The following DMXL1 variants were observed in gnomAD, a reference collection of about 807,000 sequenced individuals.
DMXL1 encodes dmX-like protein 1.
Under a neutral mutation model 319.2 loss-of-function variants are expected in DMXL1, and 99 were observed. The observed-to-expected ratio is 0.31, with a 90% CI of 0.26 to 0.37. The LOEUF is 0.37. Ranked by LOEUF, DMXL1 falls within the 10% of genes least tolerant of loss-of-function variation. The probability of loss-of-function intolerance (pLI) is 1.00; values close to 1 mark genes in which losing one functional copy is unlikely to be tolerated. For synonymous variants in DMXL1, 1,385 were observed against 1,235.2 expected (o/e 1.12, Z -2.54); for missense variants, 3,745 against 3,595.6 (o/e 1.04, Z -1.06).
chr5:119,150,642 A>T (rs796806398), intron 18 of DMXL1, among the ~76,000 whole-genome samples: 17 of 152,104 alleles, frequency 1.1e-4, no homozygotes, highest in African/African-American at 4.1e-4. Context: ...ACAAAAAAAA[A>T]TTAGCCAGAT....
At chr5:119,192,288 A>G (rs921549326) in intron 29 of DMXL1, among the ~76,000 whole-genome samples, 3 of 152,152 alleles carry the variant, frequency 2.0e-5, no homozygotes, top group African/African-American at 7.2e-5. Flanking sequence ...CTCGAGTTTT[A>G]CTCTGAATTG....
chr5:119,129,266 G>C lies in DMXL1; in HGVS notation c.1158G>C (p.Lys386Asn). Residue 386 changes from lysine to asparagine, a missense_variant, in exon 10 of 44, where the codon AAG (lysine) becomes AAC (asparagine). Lys to Asn is a moderately conservative substitution (Grantham distance 94). This residue lies in a region of DMXL1 where 2,096 missense variants were observed against 1,985.4 expected (regional missense o/e 1.06). Coordinates refer to ENST00000539542, the MANE Select transcript of DMXL1 (RefSeq NM_001290321.3). The stretch of plus-strand genomic sequence containing the variant: ...TGAGTCTAAATGAAAATGAAGAGAA[G>C]ACCGGACCTTTTGTTGTACACTGGC... Reference protein sequence around the residue: ...TSLSLNENEEKTGPFVVHWLN... With the variant: ...TSLSLNENEENTGPFVVHWLN... The C allele has an allele frequency of 1.2e-6, 2 of 1,613,574 alleles. No homozygotes were observed. The highest frequency in any genetic ancestry group is 1.7e-6 in the Non-Finnish European group (2 of 1,179,770).
chr5:119,144,275 A>C (rs1768044584), intron 14 of DMXL1, among the ~76,000 whole-genome samples: 1 of 151,788 alleles, frequency 6.6e-6, no homozygotes, highest in African/African-American at 2.4e-5. Context: ...CTAGGTTCCA[A>C]TTTGTGGCTA....
intron 28 of DMXL1, among the ~76,000 whole-genome samples, chr5:119,180,711 A>G (rs566709742): frequency 5.9e-5 from 9 of 152,222 alleles, no homozygotes; most frequent in South Asian, 2.1e-4. Context: ...GCCTTGGACT[A>G]TATTTATACT....
At chr5:119,130,595 G>C (rs1156412702) in intron 10 of DMXL1, among the ~76,000 whole-genome samples, 1 of 151,972 alleles carries the variant, frequency 6.6e-6, no homozygotes. Context: ...CATCCACCTG[G>C]GCCTCCCAAA....
chr5:119,229,683 A>AT (rs1561926117), intron 38 of DMXL1, among the ~76,000 whole-genome samples: 1 of 152,154 alleles, frequency 6.6e-6, no homozygotes, highest in African/African-American at 2.4e-5. Context: ...GACATACAAA[A>AT]TTATTTATCT....
intron 40 of DMXL1, among the ~76,000 whole-genome samples, chr5:119,238,327 T>TA (rs893061717): frequency 5.5e-4 from 83 of 152,000 alleles, no homozygotes; most frequent in African/African-American, 1.6e-3. Context: ...TTGGGATACT[T>TA]AAAAAAAATC....
intron 25 of DMXL1, among the ~76,000 whole-genome samples, chr5:119,172,273 C>G (rs1774739458): frequency 6.6e-6 from 1 of 152,102 alleles, no homozygotes; most frequent in Non-Finnish European, 1.5e-5. Flanking sequence ...AACCAAAAAG[C>G]TCATTGTTTT....
intron 40 of DMXL1, 84 bp from the exon 41 acceptor site, chr5:119,238,905 A>G (rs1055953050): frequency 3.0e-5 from 46 of 1,551,092 alleles, no homozygotes; most frequent in African/African-American, 8.2e-5. Context: ...CAGAAACTAC[A>G]TGATCACTTT....
intron 2 of DMXL1, 92 bp downstream of exon 2, chr5:119,098,196 A>G (rs982001270): frequency 3.9e-5 from 56 of 1,430,360 alleles, no homozygotes; most frequent in Middle Eastern, 4.4e-4. Flanking sequence ...TGAATTAGAG[A>G]CTTGGCTTTG....
intron 37 of DMXL1, among the ~76,000 whole-genome samples, chr5:119,222,831 T>C (rs1784873898): frequency 6.6e-6 from 1 of 152,166 alleles, no homozygotes; most frequent in Non-Finnish European, 1.5e-5. Context: ...CTCTTGAACT[T>C]ATTAAGCTCA....
intron 33 of DMXL1, chr5:119,206,597 A>G (rs369547281): frequency 4.4e-4 from 135 of 304,370 alleles, no homozygotes; most frequent in African/African-American, 2.6e-3. Context: ...TAGGGTTAGA[A>G]TAAAATTTAT....
chr5:119,134,462 G>A, intron 13 of DMXL1, 73 bp downstream of exon 13: 1 of 1,286,772 alleles, frequency 7.8e-7, no homozygotes, highest in Non-Finnish European at 1.1e-6. Context: ...TATTGGGCAT[G>A]TTCTACAATT....
Position 119,134,123 on chromosome 5 carries a change from T to A in DMXL1, c.2199T>A (p.Val733=), listed in dbSNP as rs1261991061. The A allele has an allele frequency of 1.2e-6, 2 of 1,614,068 alleles. No homozygotes were observed. The highest frequency in any genetic ancestry group is 4.5e-5 in the East Asian group (2 of 44,890). Residue 733 remains valine, a synonymous_variant, in exon 12 of 44, where the codon GTT becomes GTA. Coordinates refer to ENST00000539542, the MANE Select transcript of DMXL1 (RefSeq NM_001290321.3). ...TTGCCCGGATTAATTCTCTTCATGT[T>A]TCTGCCTTTTCCAATGTGGCATGGC... The part of the protein sequence containing the change: ...SELARINSLH[V]SAFSNVAWLP...
chr5:119,115,909 C>T (rs925997404), intron 6 of DMXL1, among the ~76,000 whole-genome samples: 4 of 152,124 alleles, frequency 2.6e-5, no homozygotes, highest in African/African-American at 9.7e-5. Flanking sequence ...ATTCCCCTTA[C>T]TCTAGTAATT....
At chr5:119,099,853 T>C (rs1399772576) in intron 2 of DMXL1, among the ~76,000 whole-genome samples, 3 of 151,874 alleles carry the variant, frequency 2.0e-5, no homozygotes, top group Admixed American at 2.0e-4. Context: ...AATAAGTAAA[T>C]AGCCGGACAT....
rs779606224 is a variant in DMXL1 at position 119,178,222 on chromosome 5, G to C, written c.7113G>C (p.Gln2371His). The change falls in exon 28 of 44, where the codon CAG (glutamine) becomes CAC (histidine). Residue 2371 changes from glutamine to histidine, a missense_variant. Transcript: ENST00000539542. ...GTGCACATGTTCCTAGCAAAGAACA[G>C]ACACATTCAAAAACTTTACCTGGTG... ...GGGAHVPSKE[Q>H]THSKTLPVSS... 1 of 1,613,464 alleles carries C rather than the reference G, an allele frequency of 6.2e-7. No individual in the cohort carries two copies. The highest frequency in any genetic ancestry group is 1.1e-5 in the South Asian group (1 of 90,976).
In DMXL1 at chr5:119,196,396, G is replaced by A. The variant is rs922742506; in HGVS notation, c.7483G>A (p.Val2495Met). ...YSWSLMRLAM[V>M]QLVLNNLKTF... ...TTGGTCCTTGATGCGGTTGGCGATG[G>A]TGCAATTGGTGCTCAACAATTTGAA... The change falls in exon 31 of 44, where the codon GTG (valine) becomes ATG (methionine). Residue 2495 changes from valine (V) to methionine (M), a missense_variant. Coordinates refer to ENST00000539542, the MANE Select transcript of DMXL1 (RefSeq NM_001290321.3). 6.2e-7 allele frequency: 1 copy of A among 1,613,842 alleles called. No homozygotes were observed. Among genetic ancestry groups the A allele is most frequent in the Admixed American group, 1.7e-5 (1 of 59,994 alleles).
At chr5:119,184,419 A>G (rs763846543) in intron 28 of DMXL1, among the ~76,000 whole-genome samples, 3 of 152,042 alleles carry the variant, frequency 2.0e-5, no homozygotes, top group Non-Finnish European at 2.9e-5. Flanking sequence ...TCTCTCTTCA[A>G]CCCAGTTTTC....
Sources: allele counts gnomAD v4.1 joint callset (sites outside exome capture counted in the v4.1 genomes callset), GRCh38; gene constraint gnomAD v4.1.1; regional missense constraint gnomAD v4.1.1; transcripts MANE v1.5; gene names NCBI Gene and HGNC (gene_info 2026-07-23, HGNC 2026-07-21).